CNGB3: variants seen among roughly 807,000 people sequenced by gnomAD.
The protein encoded by CNGB3 is cyclic nucleotide gated channel subunit beta 3.
In CNGB3, 86 loss-of-function variants were observed where a neutral mutation model predicts 92.8. That is an observed-to-expected ratio of 0.93 (90% CI 0.78 to 1.11). The LOEUF is 1.11. Among genes scored for constraint, CNGB3 ranks in the 50% least tolerant of loss-of-function variants. The pLI, the probability that CNGB3 is intolerant of heterozygous loss-of-function variation, is 0.00. For missense variants in CNGB3, 1,026 were observed against 956.8 expected (o/e 1.07, Z -0.95); for synonymous variants, 333 against 332.7 (o/e 1.00, Z -0.01).
chr8:86,578,765 A>C lies in CNGB3; in HGVS notation c.2027T>G (p.Phe676Cys), dbSNP rs535555046. 1.2e-6 allele frequency: 2 copies of C among 1,613,824 alleles called. No homozygotes were observed. The highest frequency in any genetic ancestry group is 1.1e-5 in the South Asian group (1 of 91,028). The change falls in exon 17 of 18, where the codon TTT becomes TGT. Residue 676 changes from phenylalanine to cysteine, a missense_variant. Physicochemically the swap from Phe to Cys is radical, Grantham distance 205 (BLOSUM62 -2). Transcript: ENST00000320005. ...FPPKEETPKL[F>C]KTLLGGTGKA... is the part of the protein sequence containing the mutation. The stretch of plus-strand genomic sequence containing the variant: ...TCCTGTGCCTCCTAGGAGAGTTTTA[A>C]ACAGTTTGGGTGTCTCTTCTTTCGG...
intron 10 of CNGB3, among the ~76,000 whole-genome samples, chr8:86,635,899 T>C (rs1823063342): frequency 7.5e-6 from 1 of 134,146 alleles, no homozygotes; most frequent in East Asian, 2.1e-4. Context: ...CTTAAAGCAG[T>C]AAGGCAGGAT....
intron 7 of CNGB3, among the ~76,000 whole-genome samples, chr8:86,649,309 A>G (rs1462541739): frequency 6.6e-6 from 1 of 151,658 alleles, no homozygotes; most frequent in Non-Finnish European, 1.5e-5. Flanking sequence ...ACAGAATTAG[A>G]AAAAACAATT....
At chr8:86,579,308 T>C (rs1264352189) in intron 15 of CNGB3, 56 bp from the exon 16 acceptor site, 1 of 1,594,124 alleles carries the variant, frequency 6.3e-7, no homozygotes, top group Non-Finnish European at 8.6e-7. Flanking sequence ...TCCACTGAAA[T>C]CTCTTTAAAA....
At chr8:86,594,391 G>T in intron 15 of CNGB3, 1 of 298,534 alleles carries the variant, frequency 3.3e-6, no homozygotes, top group South Asian at 3.2e-5. Flanking sequence ...TGTAGGAAAA[G>T]TCCCCAAACC....
intron 6 of CNGB3, chr8:86,661,423 A>G: frequency 2.1e-6 from 1 of 473,546 alleles, no homozygotes; most frequent in South Asian, 1.8e-5. Context: ...ATTCCAGCAG[A>G]CCTGTTTTAT....
chr8:86,677,284 A>G (rs1293524956), intron 3 of CNGB3, among the ~76,000 whole-genome samples: 5 of 152,252 alleles, frequency 3.3e-5, no homozygotes, highest in Non-Finnish European at 7.3e-5. Flanking sequence ...CAGAGTTAGC[A>G]AAGCAGATAA....
chr8:86,606,138 T>G (rs1446343857), intron 14 of CNGB3, among the ~76,000 whole-genome samples: 2 of 136,376 alleles, frequency 1.5e-5, no homozygotes, highest in Admixed American at 8.9e-5. Flanking sequence ...ATTAAAATTT[T>G]GGGGTTGGTT....
At chr8:86,677,994 TA>T (rs1187942477) in intron 3 of CNGB3, among the ~76,000 whole-genome samples, 1 of 152,296 alleles carries the variant, frequency 6.6e-6, no homozygotes, top group East Asian at 1.9e-4. Flanking sequence ...TTCAGCGACT[TA>T]TTTCTCAAAA....
At chr8:86,702,534 T>C (rs1457257770) in intron 3 of CNGB3, among the ~76,000 whole-genome samples, 1 of 152,218 alleles carries the variant, frequency 6.6e-6, no homozygotes, top group African/African-American at 2.4e-5. Flanking sequence ...GATATAGATA[T>C]TTCTAAGAAT....
chr8:86,580,739 G>A (rs1427622851), intron 15 of CNGB3, among the ~76,000 whole-genome samples: 1 of 152,084 alleles, frequency 6.6e-6, no homozygotes, highest in African/African-American at 2.4e-5. Flanking sequence ...AGGAAGGATT[G>A]GTTTGTAAAA....
intron 15 of CNGB3, among the ~76,000 whole-genome samples, chr8:86,583,887 A>T (rs1419216016): frequency 7.9e-6 from 1 of 126,540 alleles, no homozygotes; most frequent in Non-Finnish European, 1.6e-5. Flanking sequence ...ACACCAATAC[A>T]CTCCAGACTG....
chr8:86,675,292 CA>C (rs1823945244), intron 3 of CNGB3, among the ~76,000 whole-genome samples: 1 of 152,020 alleles, frequency 6.6e-6, no homozygotes, highest in Non-Finnish European at 1.5e-5. Flanking sequence ...AAGCTGGTCT[CA>C]AACTCCTGGG....
Position 86,695,951 on chromosome 8 carries a change from G to C in CNGB3, c.339-24853C>G, listed in dbSNP as rs73690210. ...CAGCCACCCAGTAGGGCTACTGGGT[G>C]CCAGGCTGGTGCTGAGGAATGTCTG... On this transcript the variant is annotated intron_variant, in intron 3 of 17. Transcript: ENST00000320005. Among the ~76,000 whole-genome samples the C allele has an allele frequency of 5.1e-4, 78 of 152,230 alleles. 1 individual carries two copies. Among genetic ancestry groups the C allele is most frequent in the African/African-American group, 1.8e-3 (76 of 41,544 alleles).
chr8:86,683,824 A>G (rs939201412), intron 3 of CNGB3, among the ~76,000 whole-genome samples: 1 of 152,182 alleles, frequency 6.6e-6, no homozygotes, highest in Admixed American at 6.5e-5. Context: ...CCTACACCTT[A>G]TACAAAAAAT....
At chr8:86,644,547 C>T (rs1823256929) in intron 9 of CNGB3, 75 bp downstream of exon 9, 2 of 1,562,324 alleles carry the variant, frequency 1.3e-6, no homozygotes, top group East Asian at 2.3e-5. Context: ...GGGGTCATAT[C>T]CCTGCCAAAT....
At chr8:86,741,276 T>A (rs1204889594) in intron 1 of CNGB3, among the ~76,000 whole-genome samples, 1 of 152,222 alleles carries the variant, frequency 6.6e-6, no homozygotes, top group Non-Finnish European at 1.5e-5. Context: ...TTTTTAACAT[T>A]TAGCATATTT....
At position 86,643,880 on chromosome 8, in the gene CNGB3, G is replaced by T; in HGVS notation, c.1056-7C>A. On this transcript the variant is annotated splice_region_variant and splice_polypyrimidine_tract_variant and intron_variant, in intron 9 of 17. Transcript: ENST00000320005. ...TCCAGTTGTTCGAATAACTCTGTCA[G>T]AGAGAATAGATGCAAAGTAAGATTC... The T allele has an allele frequency of 6.2e-7, 1 of 1,603,562 alleles. No homozygotes were observed. Among genetic ancestry groups the T allele is most frequent in the Non-Finnish European group, 8.5e-7 (1 of 1,172,960 alleles).
chr8:86,661,846 G>A (rs551098092), intron 6 of CNGB3: 9 of 1,323,870 alleles, frequency 6.8e-6, no homozygotes, highest in South Asian at 6.0e-5. Flanking sequence ...TCTTCTGGAC[G>A]TTCCAGAACT....
At chr8:86,727,879 CAG>C (rs1825088504) in intron 2 of CNGB3, among the ~76,000 whole-genome samples, 1 of 152,022 alleles carries the variant, frequency 6.6e-6, no homozygotes, top group African/African-American at 2.4e-5. Context: ...AGTGATAAAT[CAG>C]GGGATGATCA....
Sources: gnomAD v4.1 joint callset for allele counts (sites outside exome capture counted in the v4.1 genomes callset) on GRCh38, gnomAD v4.1.1 for gene constraint, MANE v1.5 for transcripts, NCBI Gene and HGNC (gene_info 2026-07-23, HGNC 2026-07-21) for gene names.